MAMDC2: variants seen among roughly 807,000 people sequenced by gnomAD.
MAMDC2 encodes the protein MAM domain containing 2, also known as MAM domain-containing protein 2.
Under a neutral mutation model 89.8 loss-of-function variants are expected in MAMDC2, and 57 were observed. The ratio of observed to expected loss-of-function variants is 0.63; its 90% CI spans 0.51 to 0.79. MAMDC2 has a LOEUF of 0.79. Ranked by LOEUF, MAMDC2 falls within the 30% of genes least tolerant of loss-of-function variation. The pLI is 0.00. For synonymous variants in MAMDC2, 313 were observed against 293.4 expected, an observed-to-expected ratio of 1.07 and a Z score of -0.68; for missense variants, 800 against 820.6, an observed-to-expected ratio of 0.97 and a Z score of 0.31.
chr9:70,105,279 G>T (rs1563955973), intron 2 of MAMDC2, among the ~76,000 whole-genome samples: 1 of 152,276 alleles, frequency 6.6e-6, no homozygotes, highest in East Asian at 1.9e-4. Context: ...TTCAACTCAA[G>T]TGCCAACTCA....
At chr9:70,064,523 G>A (rs368153889) in intron 2 of MAMDC2, among the ~76,000 whole-genome samples, 1 of 152,132 alleles carries the variant, frequency 6.6e-6, no homozygotes, top group African/African-American at 2.4e-5. Flanking sequence ...AATTTCTTGT[G>A]TAATTTCTGA....
At position 70,057,759 on chromosome 9, in the gene MAMDC2, G is replaced by A. The variant is rs114485584; in HGVS notation, c.148+13062G>A. The stretch of plus-strand genomic sequence containing the variant: ...ATCATAGTCATGCACAAAAGGCACC[G>A]GATTTTAGACTCAAGTGATTTAAAG... On this transcript the variant is annotated intron_variant, in intron 2 of 13. Transcript: ENST00000377182. Among the ~76,000 whole-genome samples, 763 of 152,204 alleles carry A rather than the reference G, an allele frequency of 5.0e-3. 2 individuals carry two copies. Among genetic ancestry groups the A allele is most frequent in the African/African-American group, 0.016 (672 of 41,514 alleles).
chr9:70,214,732 A>G (rs2033414556), intron 11 of MAMDC2, among the ~76,000 whole-genome samples: 1 of 152,168 alleles, frequency 6.6e-6, no homozygotes, highest in Non-Finnish European at 1.5e-5. Flanking sequence ...GGAGGCGGTA[A>G]GAAGAGAAGT....
At chr9:70,127,081 A>T (rs2030586316) in intron 6 of MAMDC2, among the ~76,000 whole-genome samples, 1 of 152,180 alleles carries the variant, frequency 6.6e-6, no homozygotes, top group African/African-American at 2.4e-5. Context: ...AAGTTCTACT[A>T]TCTTTTCGAC....
intron 9 of MAMDC2, among the ~76,000 whole-genome samples, chr9:70,158,150 G>A (rs1010586998): frequency 1.3e-5 from 2 of 151,954 alleles, no homozygotes; most frequent in East Asian, 3.9e-4. Flanking sequence ...TAGAAATGTG[G>A]TCTCACTATT....
chr9:70,068,210 G>A lies in MAMDC2; in HGVS notation c.148+23513G>A, dbSNP rs574133616. On this transcript the variant is annotated intron_variant, in intron 2 of 13. Coordinates refer to ENST00000377182, the MANE Select transcript of MAMDC2 (RefSeq NM_153267.5). Reference sequence around the variant, plus strand: ...TGGTTAGCTTGTGAAATAGGCAAAGGGCTATTTTATGAGTATTCTGGGCAC... The same window carrying A: ...TGGTTAGCTTGTGAAATAGGCAAAGAGCTATTTTATGAGTATTCTGGGCAC... Among the ~76,000 whole-genome samples the A allele has an allele frequency of 1.1e-4, 16 of 152,216 alleles. No individual in the cohort carries two copies. In the South Asian group the frequency reaches 3.3e-3, roughly 32 times the overall value.
chr9:70,198,583 G>A (rs2033025946), intron 11 of MAMDC2, among the ~76,000 whole-genome samples: 1 of 152,036 alleles, frequency 6.6e-6, no homozygotes, highest in Non-Finnish European at 1.5e-5. Context: ...TAGATTAAAA[G>A]TCATTCAGTT....
intron 12 of MAMDC2, among the ~76,000 whole-genome samples, chr9:70,221,815 A>G (rs572188456): frequency 1.1e-4 from 17 of 152,208 alleles, no homozygotes; most frequent in Non-Finnish European, 2.1e-4. Flanking sequence ...AAGGAAAATA[A>G]GAGGAAGAAG....
intron 5 of MAMDC2, among the ~76,000 whole-genome samples, chr9:70,114,868 A>G (rs2029894064): frequency 6.6e-6 from 1 of 152,224 alleles, no homozygotes; most frequent in Non-Finnish European, 1.5e-5. Flanking sequence ...TTGGGAATTC[A>G]GAGACAAAAG....
In MAMDC2 at chr9:70,150,169, C is replaced by T. The variant is rs139665458; in HGVS notation, c.1404+6350C>T. Reference sequence around the variant, plus strand: ...TCCAGAGCTATGACACCCAAACCTACGCTACTGTTTTCCACATGTGGTTTC... The same window carrying T: ...TCCAGAGCTATGACACCCAAACCTATGCTACTGTTTTCCACATGTGGTTTC... On this transcript the variant is annotated intron_variant, in intron 9 of 13. Transcript: ENST00000377182. Among the ~76,000 whole-genome samples, 123 of 152,330 alleles carry T rather than the reference C, an allele frequency of 8.1e-4. 5 individuals are homozygous for T. The East Asian group carries it at 0.012, about 15-fold the overall frequency.
In MAMDC2 at chr9:70,046,079, G is replaced by T. The variant is rs554542514; in HGVS notation, c.148+1382G>T. Among the ~76,000 whole-genome samples the T allele has an allele frequency of 3.9e-5, 6 of 152,290 alleles. No homozygotes were observed. The South Asian group carries it at 1.2e-3, about 32-fold the overall frequency. On this transcript the variant is annotated intron_variant, in intron 2 of 13. Coordinates refer to ENST00000377182, the MANE Select transcript of MAMDC2 (RefSeq NM_153267.5). ...CGGGAGATGGCCTTAGAAATGCCAC[G>T]AGACTGGCTTTGGAGAGCACACTCC...
At chr9:70,154,873 A>G (rs1156538838) in intron 9 of MAMDC2, among the ~76,000 whole-genome samples, 1 of 152,010 alleles carries the variant, frequency 6.6e-6, no homozygotes, top group African/African-American at 2.4e-5. Flanking sequence ...TTCCCTTTGA[A>G]ACAGCTTCCC....
intron 2 of MAMDC2, among the ~76,000 whole-genome samples, chr9:70,105,283 C>T (rs1261646429): frequency 6.6e-6 from 1 of 152,098 alleles, no homozygotes; most frequent in Non-Finnish European, 1.5e-5. Flanking sequence ...ACTCAAGTGC[C>T]AACTCAGATT....
At chr9:70,192,624 C>T (rs1304972647) in intron 11 of MAMDC2, among the ~76,000 whole-genome samples, 1 of 152,066 alleles carries the variant, frequency 6.6e-6, no homozygotes, top group Non-Finnish European at 1.5e-5. Flanking sequence ...TACTTCTTTC[C>T]CTTTATAAGT....
intron 11 of MAMDC2, among the ~76,000 whole-genome samples, chr9:70,213,782 TA>T (rs2033399447): frequency 6.6e-6 from 1 of 152,242 alleles, no homozygotes; most frequent in Non-Finnish European, 1.5e-5. Flanking sequence ...ATCTAAAAAA[TA>T]CTTCAGATAG....
chr9:70,049,542 A>G (rs1410212498), intron 2 of MAMDC2, among the ~76,000 whole-genome samples: 2 of 152,150 alleles, frequency 1.3e-5, no homozygotes, highest in African/African-American at 2.4e-5. Context: ...CCACCCTGGC[A>G]TCACAAAGTT....
intron 2 of MAMDC2, among the ~76,000 whole-genome samples, chr9:70,105,422 C>T (rs898219681): frequency 1.8e-4 from 27 of 152,142 alleles, no homozygotes; most frequent in African/African-American, 6.5e-4. Context: ...TGGAGGTGGG[C>T]GGTGCTTGGG....
chr9:70,222,834 C>T (rs1750559504), intron 12 of MAMDC2, among the ~76,000 whole-genome samples: 1 of 152,092 alleles, frequency 6.6e-6, no homozygotes, highest in African/African-American at 2.4e-5. Flanking sequence ...CTATGCACTG[C>T]ATACTCAGCT....
intron 11 of MAMDC2, among the ~76,000 whole-genome samples, chr9:70,183,193 T>C (rs2032681102): frequency 6.6e-6 from 1 of 152,192 alleles, no homozygotes; most frequent in Non-Finnish European, 1.5e-5. Context: ...CCTAATTTGA[T>C]TGCACTGTGG....
Sources: allele counts gnomAD v4.1 joint callset (sites outside exome capture counted in the v4.1 genomes callset), GRCh38; gene constraint gnomAD v4.1.1; transcripts MANE v1.5; gene names NCBI Gene and HGNC (gene_info 2026-07-23, HGNC 2026-07-21).